The following OPTN variants were observed in gnomAD, a reference collection of about 807,000 sequenced individuals.
The protein encoded by OPTN is optineurin.
A neutral mutation model predicts 70.4 loss-of-function variants in OPTN; 54 were observed. The observed-to-expected ratio is 0.77, with a 90% CI of 0.62 to 0.96. OPTN has a LOEUF of 0.96. Ranked by LOEUF, OPTN falls within the 40% of genes least tolerant of loss-of-function variation. OPTN has a pLI of 0.00. For synonymous variants in OPTN, 256 were observed against 248.5 expected, an observed-to-expected ratio of 1.03 and a Z score of -0.28; for missense variants, 624 against 673.2, an observed-to-expected ratio of 0.93 and a Z score of 0.81.
intron 11 of OPTN, 122 bp downstream of exon 11, chr10:13,126,161 G>A (rs1833455469): frequency 2.9e-6 from 2 of 688,496 alleles, no homozygotes; most frequent in Admixed American, 4.5e-5. Context: ...GTTTTCCAAT[G>A]TATCATTATT....
At chr10:13,118,675 G>A (rs970215379) in intron 6 of OPTN, among the ~76,000 whole-genome samples, 6 of 152,206 alleles carry the variant, frequency 3.9e-5, no homozygotes, top group African/African-American at 1.4e-4. Flanking sequence ...CCTCTCCAGA[G>A]CCTCACTGAG....
At chr10:13,109,323 C>T (rs749525787) in intron 3 of OPTN, 35 bp downstream of exon 3, 4 of 1,610,078 alleles carry the variant, frequency 2.5e-6, no homozygotes, top group African/African-American at 1.3e-5. Flanking sequence ...CCCCATTCAT[C>T]CTGGGCCTGC....
intron 13 of OPTN, among the ~76,000 whole-genome samples, chr10:13,133,167 A>G (rs1833628465): frequency 6.6e-6 from 1 of 152,180 alleles, no homozygotes; most frequent in African/African-American, 2.4e-5. Flanking sequence ...AGCTTACTTT[A>G]CATAATATTA....
At chr10:13,122,246 G>C (rs895270721) in intron 7 of OPTN, 139 bp from the exon 8 acceptor site, 2 of 674,486 alleles carry the variant, frequency 3.0e-6, no homozygotes, top group South Asian at 1.7e-5. Context: ...TGCTAATATA[G>C]TGAATGTGTA....
chr10:13,129,426 C>T (rs192708828), intron 12 of OPTN, among the ~76,000 whole-genome samples: 3 of 151,556 alleles, frequency 2.0e-5, no homozygotes, highest in Non-Finnish European at 4.4e-5. Context: ...GATCTTGGCT[C>T]ACTGCAACCT....
chr10:13,108,902 A>G (rs372461087), intron 2 of OPTN: 15 of 477,384 alleles, frequency 3.1e-5, no homozygotes, highest in Admixed American at 2.7e-4. Flanking sequence ...ACATGCACAC[A>G]TGCGCGTGCA....
At position 13,110,344 on chromosome 10, in the gene OPTN, G is replaced by A. The variant is rs947592811; in HGVS notation, c.237G>A (p.Gln79=). The change falls in exon 4 of 15, where the codon CAG becomes CAA. Residue 79 remains glutamine (Q), a synonymous_variant. Coordinates refer to ENST00000378747, the MANE Select transcript of OPTN (RefSeq NM_001008212.2). ...AGCTTTCGGCCTGGACAGAGAAACAGAAGGAAGAACGCCAGTTTTTTGAGA... is the reference window on the plus strand; with the variant it reads ...AGCTTTCGGCCTGGACAGAGAAACAAAAGGAAGAACGCCAGTTTTTTGAGA... ...FEELSAWTEK[Q]KEERQFFEIQ... 1.2e-6 allele frequency: 2 copies of A among 1,614,152 alleles called. No homozygotes were observed. The highest frequency in any genetic ancestry group is 1.7e-6 in the Non-Finnish European group (2 of 1,180,040).
chr10:13,109,218 G>A lies in OPTN; in HGVS notation c.96G>A (p.Leu32=). 6.2e-7 allele frequency: 1 copy of A among 1,613,992 alleles called. No individual in the cohort carries two copies. The highest frequency in any genetic ancestry group is 2.2e-5 in the East Asian group (1 of 44,856). ...NGPPHLAHPN[L]DTFTPEELLQ... Reference sequence around the variant, plus strand: ...CCCCCCACCTGGCCCACCCAAACCTGGACACGTTTACCCCGGAGGAGCTGC... The same window carrying A: ...CCCCCCACCTGGCCCACCCAAACCTAGACACGTTTACCCCGGAGGAGCTGC... The change falls in exon 3 of 15, where the codon CTG becomes CTA. Residue 32 remains leucine, a synonymous_variant. Transcript: ENST00000378747.
At chr10:13,101,625 A>T (rs912394012) in intron 1 of OPTN, among the ~76,000 whole-genome samples, 60 of 152,068 alleles carry the variant, frequency 3.9e-4, no homozygotes, top group South Asian at 1.4e-3. Context: ...ACTTTTTTTT[A>T]AAAAAATATT....
At chr10:13,103,006 A>G in intron 1 of OPTN, among the ~76,000 whole-genome samples, 1 of 151,928 alleles carries the variant, frequency 6.6e-6, no homozygotes, top group Non-Finnish European at 1.5e-5. Flanking sequence ...TTGGTGACCC[A>G]TTAGACTTGG....
At chr10:13,111,718 A>G (rs1419812375) in intron 4 of OPTN, among the ~76,000 whole-genome samples, 1 of 152,026 alleles carries the variant, frequency 6.6e-6, no homozygotes, top group Non-Finnish European at 1.5e-5. Flanking sequence ...TGTCAGGTAA[A>G]AGCTGAAATT....
chr10:13,106,985 T>A (rs973798056), intron 1 of OPTN, among the ~76,000 whole-genome samples: 12 of 152,292 alleles, frequency 7.9e-5, no homozygotes, highest in African/African-American at 2.9e-4. Flanking sequence ...AGTTCTCTCC[T>A]CACCCCTTTT....
intron 1 of OPTN, among the ~76,000 whole-genome samples, chr10:13,101,629 A>T (rs943814617): frequency 6.6e-6 from 1 of 152,236 alleles, no homozygotes; most frequent in Non-Finnish European, 1.5e-5. Flanking sequence ...TTTTTTAAAA[A>T]AATATTTCAT....
chr10:13,130,443 A>AG (rs1833571141), intron 12 of OPTN, among the ~76,000 whole-genome samples: 1 of 150,040 alleles, frequency 6.7e-6, no homozygotes, highest in African/African-American at 2.5e-5. Context: ...AAAAAAAAAA[A>AG]AAAAAAAAAA....
chr10:13,135,047 T>G (rs1284495811), intron 14 of OPTN, among the ~76,000 whole-genome samples: 1 of 152,196 alleles, frequency 6.6e-6, no homozygotes, highest in Non-Finnish European at 1.5e-5. Flanking sequence ...TCAGAAATGC[T>G]TCTTAAGGCT....
At chr10:13,135,862 C>G (rs1360395834) in intron 14 of OPTN, among the ~76,000 whole-genome samples, 1 of 152,098 alleles carries the variant, frequency 6.6e-6, no homozygotes, top group African/African-American at 2.4e-5. Flanking sequence ...AGAACTGAAA[C>G]CATGTATTTT....
chr10:13,112,647 G>C lies in OPTN; in HGVS notation c.552+12G>C, dbSNP rs1180463094. Reference sequence around the variant, plus strand: ...AAATTAGGATGGCTGTGAGTTTTTGGTTTTATTTTTGTTTTGAGCAAACTA... The same window carrying C: ...AAATTAGGATGGCTGTGAGTTTTTGCTTTTATTTTTGTTTTGAGCAAACTA... On this transcript the variant is annotated intron_variant, in intron 5 of 14. Transcript: ENST00000378747. 6.2e-7 allele frequency: 1 copy of C among 1,613,954 alleles called. No homozygotes were observed. Among genetic ancestry groups the C allele is most frequent in the Admixed American group, 1.7e-5 (1 of 60,014 alleles).
intron 8 of OPTN, chr10:13,122,729 T>C (rs1018754675): frequency 6.7e-6 from 3 of 447,818 alleles, no homozygotes; most frequent in African/African-American, 2.0e-5. Context: ...CAGGCTGGAG[T>C]GCAGTGGCAC....
chr10:13,113,091 G>A (rs1469595417), intron 5 of OPTN, among the ~76,000 whole-genome samples: 47 of 151,988 alleles, frequency 3.1e-4, no homozygotes, highest in Middle Eastern at 3.2e-3. Context: ...ATGTGATCTC[G>A]GCTCACTGCA....
Sources: gnomAD v4.1 joint callset for allele counts (sites outside exome capture counted in the v4.1 genomes callset) on GRCh38, gnomAD v4.1.1 for gene constraint, MANE v1.5 for transcripts, NCBI Gene and HGNC (gene_info 2026-07-23, HGNC 2026-07-21) for gene names.